Variants in CDKAL1 observed in about 807,000 individuals in gnomAD.
CDKAL1 encodes the protein threonylcarbamoyladenosine tRNA methylthiotransferase.
A neutral mutation model predicts 68.2 loss-of-function variants in CDKAL1; 32 were observed. The ratio of observed to expected loss-of-function variants is 0.47; its 90% CI spans 0.35 to 0.63. CDKAL1 has a LOEUF of 0.63. Among genes scored for constraint, CDKAL1 ranks in the 30% least tolerant of loss-of-function variants. The pLI, the probability that CDKAL1 is intolerant of heterozygous loss-of-function variation, is 0.00. For synonymous variants in CDKAL1, 234 were observed against 244.3 expected (o/e 0.96, Z 0.39); for missense variants, 606 against 696.7 (o/e 0.87, Z 1.47).
At chr6:20,803,470 G>A (rs1776448172) in intron 8 of CDKAL1, among the ~76,000 whole-genome samples, 1 of 152,108 alleles carries the variant, frequency 6.6e-6, no homozygotes, top group Non-Finnish European at 1.5e-5. Context: ...TGTTAATCAC[G>A]TTTGTACAAT....
intron 13 of CDKAL1, among the ~76,000 whole-genome samples, chr6:21,154,644 A>C (rs1176157343): frequency 6.6e-6 from 1 of 152,198 alleles, no homozygotes; most frequent in African/African-American, 2.4e-5. Context: ...GCTTTCTAAA[A>C]GTTGTTAAGC....
chr6:21,053,750 A>T (rs1770672092), intron 11 of CDKAL1, among the ~76,000 whole-genome samples: 1 of 152,014 alleles, frequency 6.6e-6, no homozygotes, highest in Admixed American at 6.6e-5. Flanking sequence ...TGTACTTATT[A>T]GCTATTCCTA....
intron 5 of CDKAL1, among the ~76,000 whole-genome samples, chr6:20,671,798 G>C (rs983926652): frequency 6.6e-6 from 1 of 151,904 alleles, no homozygotes; most frequent in Non-Finnish European, 1.5e-5. Context: ...CTGTTCACAG[G>C]TGCAATAATG....
At chr6:20,715,824 T>G (rs1435591066) in intron 5 of CDKAL1, among the ~76,000 whole-genome samples, 1 of 152,250 alleles carries the variant, frequency 6.6e-6, no homozygotes, top group Non-Finnish European at 1.5e-5. Flanking sequence ...CTCCTCTAGG[T>G]TGCATGTATT....
At chr6:20,845,915 T>C (rs530271511) in intron 8 of CDKAL1, among the ~76,000 whole-genome samples, 160 bp from the exon 9 acceptor site, 2 of 152,306 alleles carry the variant, frequency 1.3e-5, no homozygotes, top group East Asian at 3.9e-4. Context: ...GGAGATAAAA[T>C]AACTCTGAGG....
chr6:20,812,585 A>G (rs894670248), intron 8 of CDKAL1, among the ~76,000 whole-genome samples: 2 of 152,116 alleles, frequency 1.3e-5, no homozygotes, highest in African/African-American at 4.8e-5. Flanking sequence ...TTCTGTCAGT[A>G]TAGATTAGCT....
Position 20,882,637 on chromosome 6 carries a change from G to A in CDKAL1, c.742+36459G>A, listed in dbSNP as rs576561061. Among the ~76,000 whole-genome samples the A allele has an allele frequency of 3.9e-5, 6 of 152,170 alleles. No homozygotes were observed. In the East Asian group the frequency reaches 1.2e-3, roughly 29 times the overall value. ...TTCATGTTCATTCCTTTTTATTGCT[G>A]TGTGCTATTCCATTGTATGAATGTA... On this transcript the variant is annotated intron_variant, in intron 9 of 15. Coordinates refer to ENST00000274695, the MANE Select transcript of CDKAL1 (RefSeq NM_017774.3).
chr6:20,608,638 C>T (rs886988203), intron 4 of CDKAL1, among the ~76,000 whole-genome samples: 2 of 152,076 alleles, frequency 1.3e-5, no homozygotes, highest in African/African-American at 4.8e-5. Context: ...GGGATAAATG[C>T]GAATATGTCT....
chr6:20,711,998 T>C lies in CDKAL1; in HGVS notation c.372-27521T>C, dbSNP rs77933432. Among the ~76,000 whole-genome samples, 454 of 152,344 alleles carry C rather than the reference T, an allele frequency of 3.0e-3. 3 individuals are homozygous for C. Among genetic ancestry groups the C allele is most frequent in the East Asian group, 0.016 (84 of 5,176 alleles). On this transcript the variant is annotated intron_variant, in intron 5 of 15. Transcript: ENST00000274695. Reference sequence around the variant, plus strand: ...GATGCCATGACTGACTTAGACTTTTTTTTTTAACCCCACCTTTGGATTTGG... The same window carrying C: ...GATGCCATGACTGACTTAGACTTTTCTTTTTAACCCCACCTTTGGATTTGG...
chr6:20,976,651 C>T (rs1765860851), intron 10 of CDKAL1, among the ~76,000 whole-genome samples: 2 of 152,126 alleles, frequency 1.3e-5, no homozygotes, highest in Non-Finnish European at 2.9e-5. Context: ...GTGATTGTCT[C>T]ATGTTCCTTC....
intron 10 of CDKAL1, among the ~76,000 whole-genome samples, chr6:20,996,062 A>C (rs775665117): frequency 2.0e-5 from 3 of 152,172 alleles, no homozygotes; most frequent in Non-Finnish European, 4.4e-5. Context: ...TCATGAACCA[A>C]CCTCTTCTAG....
rs980253099 is a variant in CDKAL1, at chr6:20,693,154, A to C, written c.371+43777A>C. Among the ~76,000 whole-genome samples, 129 of 142,556 alleles carry C rather than the reference A, an allele frequency of 9.0e-4. 2 individuals carry two copies. The highest frequency in any genetic ancestry group is 5.5e-3 in the Admixed American group (78 of 14,304). The allele number at this position is 142,556 out of a possible 152,430, so 93.5% of individuals were successfully genotyped here. A position where few individuals can be genotyped will look rare whatever the true frequency, so the allele number is the denominator to read the frequency against. ...CAAAAAAAAAAAAAAAAAAAAAAAAAAAAGACAGTTGGGGCTTGCACATGA... is the reference window on the plus strand; with the variant it reads ...CAAAAAAAAAAAAAAAAAAAAAAAACAAAGACAGTTGGGGCTTGCACATGA... On this transcript the variant is annotated intron_variant, in intron 5 of 15. Coordinates refer to ENST00000274695, the MANE Select transcript of CDKAL1 (RefSeq NM_017774.3).
intron 10 of CDKAL1, among the ~76,000 whole-genome samples, chr6:20,974,519 T>G (rs961943735): frequency 1.3e-5 from 2 of 152,244 alleles, no homozygotes; most frequent in Non-Finnish European, 2.9e-5. Context: ...TATCTAGCTA[T>G]TCTTTATTCT....
chr6:21,113,587 C>T (rs1774233020), intron 13 of CDKAL1, among the ~76,000 whole-genome samples: 3 of 152,048 alleles, frequency 2.0e-5, no homozygotes, highest in Admixed American at 2.0e-4. Context: ...ACCGCAACCT[C>T]TGCCTTCCGG....
chr6:21,188,932 A>G (rs1778128747), intron 13 of CDKAL1, among the ~76,000 whole-genome samples: 1 of 152,178 alleles, frequency 6.6e-6, no homozygotes, highest in African/African-American at 2.4e-5. Context: ...CAGTTTAGGT[A>G]GCACTAGATT....
chr6:20,933,589 A>G (rs1763567324), intron 9 of CDKAL1, among the ~76,000 whole-genome samples: 1 of 152,258 alleles, frequency 6.6e-6, no homozygotes, highest in South Asian at 2.1e-4. Flanking sequence ...CAATGAGATA[A>G]AAGTAATTAA....
intron 9 of CDKAL1, among the ~76,000 whole-genome samples, chr6:20,859,057 T>C (rs1273741889): frequency 6.6e-6 from 1 of 152,296 alleles, no homozygotes; most frequent in East Asian, 1.9e-4. Flanking sequence ...AAATCACATA[T>C]GTATCTTTTT....
At chr6:20,965,210 G>A (rs185610247) in intron 10 of CDKAL1, among the ~76,000 whole-genome samples, 18 of 151,966 alleles carry the variant, frequency 1.2e-4, no homozygotes, top group Non-Finnish European at 2.4e-4. Flanking sequence ...TACTCAGGAG[G>A]CTGAGGCCAG....
intron 9 of CDKAL1, among the ~76,000 whole-genome samples, chr6:20,870,600 T>C (rs1760161869): frequency 6.6e-6 from 1 of 152,212 alleles, no homozygotes; most frequent in African/African-American, 2.4e-5. Context: ...TCAGCATTTT[T>C]TTCCCCTCAT....
Sources: allele counts gnomAD v4.1 joint callset (sites outside exome capture counted in the v4.1 genomes callset), GRCh38; gene constraint gnomAD v4.1.1; transcripts MANE v1.5; gene names NCBI Gene and HGNC (gene_info 2026-07-23, HGNC 2026-07-21).